Variants in KLF17 observed in about 807,000 individuals in gnomAD.
The protein encoded by KLF17 is KLF transcription factor 17, also known as Krueppel-like factor 17.
Under a neutral mutation model 34.2 loss-of-function variants are expected in KLF17, and 31 were observed. The ratio of observed to expected loss-of-function variants is 0.91; its 90% confidence interval spans 0.68 to 1.22. KLF17 has a LOEUF of 1.22. Among genes scored for constraint, KLF17 ranks in the 50% most tolerant of loss-of-function variants. The probability of loss-of-function intolerance (pLI) is 0.00; values close to 1 mark genes in which losing one functional copy is unlikely to be tolerated. For missense variants in KLF17, 478 were observed against 505.2 expected, an observed-to-expected ratio of 0.95 and a Z score of 0.52; for synonymous variants, 179 against 186.7, an observed-to-expected ratio of 0.96 and a Z score of 0.34.
At chr1:44,097,744 C>T in the KLF17 span, among the ~76,000 whole-genome samples, 2 of 152,058 alleles carry the variant, frequency 1.3e-5, no homozygotes, top group African/African-American at 4.8e-5. Flanking sequence ...ATGATACTGG[C>T]TATGGGTTTG....
chr1:44,055,216 T>C, the KLF17 span, among the ~76,000 whole-genome samples: 1 of 152,168 alleles, frequency 6.6e-6, no homozygotes, highest in African/African-American at 2.4e-5. Flanking sequence ...CAACTCCTAC[T>C]GGACACCTTA....
the KLF17 span, among the ~76,000 whole-genome samples, chr1:44,108,065 G>A: frequency 1.3e-5 from 2 of 152,180 alleles, no homozygotes; most frequent in Non-Finnish European, 2.9e-5. Context: ...GGCAGTGACT[G>A]GAGGAAAATA....
the KLF17 span, among the ~76,000 whole-genome samples, chr1:44,109,897 CTTTTT>C: frequency 2.6e-5 from 2 of 77,196 alleles, no homozygotes; most frequent in Non-Finnish European, 2.4e-5. Flanking sequence ...CTTTTTTATA[CTTTTT>C]TTTTTTTTTT....
intron 1 of KLF17, among the ~76,000 whole-genome samples, chr1:44,126,384 G>A (rs1229717926): frequency 6.6e-6 from 1 of 152,196 alleles, no homozygotes; most frequent in Non-Finnish European, 1.5e-5. Flanking sequence ...GTTGCTCCAG[G>A]AACATGGGGT....
the KLF17 span, among the ~76,000 whole-genome samples, chr1:44,092,573 C>A: frequency 6.6e-6 from 1 of 151,712 alleles, no homozygotes; most frequent in Non-Finnish European, 1.5e-5. Context: ...CACAACACAC[C>A]AAACTCAATG....
chr1:44,127,946 C>T (rs1283055341), intron 1 of KLF17, among the ~76,000 whole-genome samples: 1 of 150,654 alleles, frequency 6.6e-6, no homozygotes, highest in African/African-American at 2.4e-5. Flanking sequence ...TTAAACTTCT[C>T]TTTTGGTTGT....
At chr1:44,082,802 C>T in the KLF17 span, among the ~76,000 whole-genome samples, 54 of 152,198 alleles carry the variant, frequency 3.5e-4, no homozygotes, top group Admixed American at 2.6e-3. Context: ...CTTAGAAACG[C>T]GACCCCAAAC....
At chr1:44,056,036 T>G in the KLF17 span, among the ~76,000 whole-genome samples, 1 of 152,186 alleles carries the variant, frequency 6.6e-6, no homozygotes, top group Non-Finnish European at 1.5e-5. Context: ...TCAGTACATT[T>G]TTGCTTTTAA....
chr1:44,085,386 T>G, the KLF17 span, among the ~76,000 whole-genome samples: 1 of 152,198 alleles, frequency 6.6e-6, no homozygotes. Flanking sequence ...GGACAAAGCT[T>G]CACTGAGAAG....
chr1:44,128,999 C>T (rs1017059231), intron 1 of KLF17, among the ~76,000 whole-genome samples: 37 of 150,360 alleles, frequency 2.5e-4, no homozygotes, highest in Middle Eastern at 3.2e-3. Context: ...GCAACAAGAG[C>T]GAAACTCCGT....
the KLF17 span, chr1:44,101,451 G>A: frequency 6.6e-6 from 1 of 152,020 alleles, no homozygotes; most frequent in Non-Finnish European, 1.5e-5. Context: ...TATCTTTTAT[G>A]ACCTCGACAT....
the KLF17 span, among the ~76,000 whole-genome samples, chr1:44,102,614 A>ACG: frequency 3.7e-3 from 467 of 125,820 alleles, 7 homozygotes; most frequent in Middle Eastern, 0.013. Context: ...ACACACACAC[A>ACG]GAAAAGAAAA....
chr1:44,070,708 C>T, the KLF17 span, among the ~76,000 whole-genome samples: 2 of 151,174 alleles, frequency 1.3e-5, no homozygotes, highest in African/African-American at 4.9e-5. Flanking sequence ...AGCCTCCCAC[C>T]TCCCTTGTCT....
the KLF17 span, among the ~76,000 whole-genome samples, chr1:44,063,546 T>C: frequency 1.3e-5 from 2 of 152,212 alleles, no homozygotes; most frequent in East Asian, 1.9e-4. Flanking sequence ...TACTCTCCAG[T>C]TGGGCTGTTC....
intron 1 of KLF17, chr1:44,122,594 C>T (rs1415848982): frequency 5.6e-6 from 4 of 718,160 alleles, no homozygotes; most frequent in Non-Finnish European, 1.0e-5. Context: ...TATGAATGGC[C>T]GTTTTTGGTT....
chr1:44,055,414 C>T, the KLF17 span, among the ~76,000 whole-genome samples: 2 of 152,190 alleles, frequency 1.3e-5, no homozygotes, highest in Non-Finnish European at 2.9e-5. Flanking sequence ...CCCTTGGTTG[C>T]ACCCTGGAAG....
At chr1:44,120,308 A>C (rs1461582915) in intron 1 of KLF17, among the ~76,000 whole-genome samples, 2 of 152,258 alleles carry the variant, frequency 1.3e-5, no homozygotes, top group African/African-American at 4.8e-5. Flanking sequence ...AGATTTAGGA[A>C]TAGTTGGACT....
chr1:44,100,714 G>A, the KLF17 span, among the ~76,000 whole-genome samples: 1 of 152,044 alleles, frequency 6.6e-6, no homozygotes, highest in Middle Eastern at 3.4e-3. Flanking sequence ...GGAGTGCAGT[G>A]GCGCAATCTC....
chr1:44,080,713 A>ATTTTTTTTTTT, the KLF17 span, among the ~76,000 whole-genome samples: 1 of 92,672 alleles, frequency 1.1e-5, no homozygotes, highest in Non-Finnish European at 2.0e-5. Flanking sequence ...ATTATATTGA[A>ATTTTTTTTTTT]TTTTTTTTTT....
Sources: allele counts gnomAD v4.1 joint callset (sites outside exome capture counted in the v4.1 genomes callset), GRCh38; gene constraint gnomAD v4.1.1; transcripts MANE v1.5; gene names NCBI Gene and HGNC (gene_info 2026-07-23, HGNC 2026-07-21).